FBXL7: variants seen among roughly 807,000 people sequenced by gnomAD.
FBXL7 encodes the protein F-box and leucine rich repeat protein 7.
In FBXL7, 12 loss-of-function variants were observed where a neutral mutation model predicts 38.3. The ratio of observed to expected loss-of-function variants is 0.31; its 90% CI spans 0.20 to 0.51. FBXL7 has a LOEUF of 0.51. FBXL7 is among the 20% of genes least tolerant of loss of function. The pLI is 0.98. For missense variants in FBXL7, 567 were observed against 676.4 expected (o/e 0.84, Z 1.79); for synonymous variants, 297 against 300.9 (o/e 0.99, Z 0.13).
rs551057581 is a variant in FBXL7, at chr5:15,743,991, C to T, written c.127+127919C>T. 1.3e-3 allele frequency among the ~76,000 whole-genome samples: 198 copies of T among 152,322 alleles called. 1 individual carries two copies. Among genetic ancestry groups the T allele is most frequent in the Middle Eastern group, 0.01 (3 of 294 alleles). ...GGACATAAGGCACCAAGTCCCAAGG[C>T]TGCACACATCAGGGGTCTCTGAACC... On this transcript the variant is annotated intron_variant, in intron 2 of 3. Transcript: ENST00000504595.
intron 2 of FBXL7, among the ~76,000 whole-genome samples, chr5:15,716,173 T>C (rs183973130): frequency 6.6e-6 from 1 of 152,324 alleles, no homozygotes; most frequent in African/African-American, 2.4e-5. Flanking sequence ...TTGCTAACGC[T>C]CTATTGTTTA....
At chr5:15,687,646 G>C (rs1743055004) in intron 2 of FBXL7, among the ~76,000 whole-genome samples, 1 of 152,214 alleles carries the variant, frequency 6.6e-6, no homozygotes, top group African/African-American at 2.4e-5. Context: ...AATGGGAAGG[G>C]ATGCTAATGA....
intron 2 of FBXL7, among the ~76,000 whole-genome samples, chr5:15,641,364 A>G (rs946847586): frequency 1.3e-5 from 2 of 152,106 alleles, no homozygotes; most frequent in Non-Finnish European, 1.5e-5. Context: ...CAATTAATTC[A>G]CTTCTTCTCT....
intron 2 of FBXL7, among the ~76,000 whole-genome samples, chr5:15,679,593 C>A (rs1440445422): frequency 2.1e-5 from 3 of 145,940 alleles, no homozygotes; most frequent in African/African-American, 7.6e-5. Context: ...TGGTGTCTCT[C>A]ACACACTCAA....
At chr5:15,525,661 CA>C (rs1205592343) in intron 1 of FBXL7, among the ~76,000 whole-genome samples, 2 of 152,110 alleles carry the variant, frequency 1.3e-5, no homozygotes, top group Non-Finnish European at 2.9e-5. Context: ...CATACATATA[CA>C]CACAGGCATG....
intron 1 of FBXL7, among the ~76,000 whole-genome samples, chr5:15,584,355 C>T (rs940930739): frequency 3.3e-5 from 5 of 152,144 alleles, no homozygotes; most frequent in African/African-American, 1.2e-4. Flanking sequence ...GCAAATTTTC[C>T]AAACTTTTAT....
intron 2 of FBXL7, among the ~76,000 whole-genome samples, chr5:15,635,634 A>G (rs1741155972): frequency 6.6e-6 from 1 of 152,170 alleles, no homozygotes; most frequent in Non-Finnish European, 1.5e-5. Context: ...GAGGGAGCTT[A>G]GGGCTTTTTC....
chr5:15,937,115 G>A lies in FBXL7; in HGVS notation c.1405G>A (p.Glu469Lys). Residue 469 changes from glutamate to lysine, a missense_variant, in exon 4 of 4, where the codon GAG becomes AAG. Coordinates refer to ENST00000504595, the MANE Select transcript of FBXL7 (RefSeq NM_012304.5). ...TGTCCAGGACTGCGAGGTCTCCGTG[G>A]AGGCCCTGCGCTTTGTCAAACGCCA... ...LNVQDCEVSV[E>K]ALRFVKRHCK... The A allele has an allele frequency of 6.2e-7, 1 of 1,613,484 alleles. No homozygotes were observed. Among genetic ancestry groups the A allele is most frequent in the South Asian group, 1.1e-5 (1 of 90,984 alleles).
At chr5:15,613,911 A>G (rs1321887975) in intron 1 of FBXL7, among the ~76,000 whole-genome samples, 1 of 152,138 alleles carries the variant, frequency 6.6e-6, no homozygotes, top group Non-Finnish European at 1.5e-5. Context: ...TCTGGTGAGG[A>G]TGCACTTCCT....
intron 1 of FBXL7, among the ~76,000 whole-genome samples, chr5:15,530,621 C>T (rs753785602): frequency 2.6e-5 from 4 of 152,030 alleles, no homozygotes; most frequent in East Asian, 1.9e-4. Context: ...TTATGGTTAT[C>T]GTTTATTGTA....
rs574888376 is a variant in FBXL7, at chr5:15,824,420, C to A, written c.128-103470C>A. Among the ~76,000 whole-genome samples the A allele has an allele frequency of 4.6e-5, 7 of 152,220 alleles. No homozygotes were observed. In the East Asian group the frequency reaches 7.7e-4, roughly 17 times the overall value. Reference sequence around the variant, plus strand: ...TCTCAGGTGTACTCCTCGGCACTTCCCGGCCCAGTCTGTGATGCCAACGTT... The same window carrying A: ...TCTCAGGTGTACTCCTCGGCACTTCACGGCCCAGTCTGTGATGCCAACGTT... On this transcript the variant is annotated intron_variant, in intron 2 of 3. Coordinates refer to ENST00000504595, the MANE Select transcript of FBXL7 (RefSeq NM_012304.5).
intron 1 of FBXL7, among the ~76,000 whole-genome samples, chr5:15,501,057 T>A (rs774174688): frequency 3.9e-5 from 6 of 152,160 alleles, no homozygotes; most frequent in Non-Finnish European, 8.8e-5. Context: ...GCGGAAGACG[T>A]TTTTGAAAAA....
chr5:15,685,655 C>G (rs551278013), intron 2 of FBXL7, among the ~76,000 whole-genome samples: 1 of 152,310 alleles, frequency 6.6e-6, no homozygotes, highest in South Asian at 2.1e-4. Flanking sequence ...CAGGTCCCAG[C>G]TTTGCTCCTT....
chr5:15,665,138 A>G (rs1742227488), intron 2 of FBXL7, among the ~76,000 whole-genome samples: 2 of 152,262 alleles, frequency 1.3e-5, no homozygotes, highest in African/African-American at 2.4e-5. Flanking sequence ...GAAATGGGTG[A>G]TGATTCATGC....
At chr5:15,669,036 G>A (rs761772169) in intron 2 of FBXL7, among the ~76,000 whole-genome samples, 1 of 152,132 alleles carries the variant, frequency 6.6e-6, no homozygotes, top group Non-Finnish European at 1.5e-5. Flanking sequence ...TGCTGCTGCT[G>A]CTGTTAGTAC....
chr5:15,935,107 T>C, intron 3 of FBXL7: 1 of 528,528 alleles, frequency 1.9e-6, no homozygotes, highest in Non-Finnish European at 3.9e-6. Context: ...AGAGCATTTG[T>C]GGTGTGCGGG....
intron 2 of FBXL7, among the ~76,000 whole-genome samples, chr5:15,811,780 CAAT>C (rs1737867832): frequency 6.6e-6 from 1 of 151,964 alleles, no homozygotes; most frequent in Admixed American, 6.6e-5. Context: ...ATCAAAACCA[CAAT>C]GAGATACCAT....
chr5:15,680,015 A>G (rs1289466823), intron 2 of FBXL7, among the ~76,000 whole-genome samples: 1 of 152,214 alleles, frequency 6.6e-6, no homozygotes, highest in Non-Finnish European at 1.5e-5. Flanking sequence ...CACCAAAGTT[A>G]AGACGTGACA....
chr5:15,691,252 AAG>A, intron 2 of FBXL7, among the ~76,000 whole-genome samples: 1 of 152,310 alleles, frequency 6.6e-6, no homozygotes, highest in Non-Finnish European at 1.5e-5. Flanking sequence ...CAGACACACC[AAG>A]GGTTGGCCTA....
Sources: gnomAD v4.1 joint callset for allele counts (sites outside exome capture counted in the v4.1 genomes callset) on GRCh38, gnomAD v4.1.1 for gene constraint, MANE v1.5 for transcripts, NCBI Gene and HGNC (gene_info 2026-07-23, HGNC 2026-07-21) for gene names.